Variants in NRXN1 observed in about 807,000 individuals in gnomAD.
NRXN1 encodes the protein neurexin 1.
A neutral mutation model predicts 150.9 loss-of-function variants in NRXN1; 39 were observed. The ratio of observed to expected loss-of-function variants is 0.26; its 90% CI spans 0.20 to 0.34. NRXN1 has a LOEUF of 0.34. Among genes scored for constraint, NRXN1 ranks in the 10% least tolerant of loss-of-function variants. The probability of loss-of-function intolerance (pLI) is 1.00; values close to 1 mark genes in which losing one functional copy is unlikely to be tolerated. For synonymous variants in NRXN1, 924 were observed against 757.0 expected, an observed-to-expected ratio of 1.22 and a Z score of -3.62; for missense variants, 1,815 against 1,949.9, an observed-to-expected ratio of 0.93 and a Z score of 1.30.
At chr2:50,426,560 G>A (rs531472800) in intron 17 of NRXN1, among the ~76,000 whole-genome samples, 3 of 152,152 alleles carry the variant, frequency 2.0e-5, no homozygotes, top group Admixed American at 2.0e-4. Flanking sequence ...TTTGAGAGTG[G>A]AGAGAAACTT....
chr2:50,541,743 GA>G (rs377526637), intron 9 of NRXN1, among the ~76,000 whole-genome samples: 65 of 108,338 alleles, frequency 6.0e-4, no homozygotes, highest in African/African-American at 2.1e-3. Flanking sequence ...ATGTTTAAAA[GA>G]AAAAAAAAAT....
intron 18 of NRXN1, among the ~76,000 whole-genome samples, chr2:50,201,062 C>A (rs1424463892): frequency 6.6e-6 from 1 of 152,036 alleles, no homozygotes; most frequent in Admixed American, 6.6e-5. Flanking sequence ...ATTTTAATAT[C>A]CTTTCAAGTA....
chr2:50,136,362 G>A (rs112997619), intron 18 of NRXN1, among the ~76,000 whole-genome samples: 9 of 152,144 alleles, frequency 5.9e-5, no homozygotes, highest in Non-Finnish European at 1.5e-5. Flanking sequence ...AAATCTTGAC[G>A]GTGATCTAAA....
At chr2:50,233,533 T>C (rs1286176824) in intron 18 of NRXN1, among the ~76,000 whole-genome samples, 1 of 152,080 alleles carries the variant, frequency 6.6e-6, no homozygotes, top group Non-Finnish European at 1.5e-5. Context: ...ATTTCAGCAA[T>C]GATGGAGCAT....
intron 19 of NRXN1, among the ~76,000 whole-genome samples, chr2:50,083,392 T>G (rs1336937114): frequency 4.6e-5 from 7 of 152,334 alleles, no homozygotes; most frequent in Middle Eastern, 3.4e-3. Context: ...TTGCTCTCTC[T>G]TTTAACAGAA....
chr2:50,153,201 C>T (rs2688893), intron 18 of NRXN1, among the ~76,000 whole-genome samples: 122,931 of 151,656 alleles, frequency 0.81, 50,322 homozygotes, highest in African/African-American at 0.93. Flanking sequence ...AGATTTTCTA[C>T]GTCTTTGTTG....
chr2:49,959,559 G>C (rs917158904), intron 21 of NRXN1, among the ~76,000 whole-genome samples: 3 of 152,192 alleles, frequency 2.0e-5, no homozygotes, highest in African/African-American at 7.2e-5. Context: ...CTGCTGCATG[G>C]GCATTGGAGT....
At chr2:50,559,153 T>C (rs997812802) in intron 8 of NRXN1, among the ~76,000 whole-genome samples, 8 of 152,328 alleles carry the variant, frequency 5.3e-5, no homozygotes, top group African/African-American at 1.7e-4. Context: ...TTAATTATCA[T>C]TTTCACCTAG....
chr2:50,051,827 T>C (rs1251044317), intron 21 of NRXN1, among the ~76,000 whole-genome samples: 1 of 152,128 alleles, frequency 6.6e-6, no homozygotes, highest in Non-Finnish European at 1.5e-5. Flanking sequence ...CTGGCACATG[T>C]AGACAGTGAT....
chr2:50,598,721 T>TATAC (rs1159587731), intron 8 of NRXN1, among the ~76,000 whole-genome samples: 23 of 147,184 alleles, frequency 1.6e-4, no homozygotes, highest in African/African-American at 4.9e-4. Context: ...TATATGTATA[T>TATAC]ATACACATAT....
intron 17 of NRXN1, among the ~76,000 whole-genome samples, chr2:50,238,394 T>C (rs1218055807): frequency 6.6e-6 from 1 of 152,040 alleles, no homozygotes; most frequent in African/African-American, 2.4e-5. Context: ...CCATAATCGA[T>C]ACCCCTAGCT....
chr2:50,253,873 CT>C (rs34891434), intron 17 of NRXN1, among the ~76,000 whole-genome samples: 64,724 of 150,650 alleles, frequency 0.43, 14,270 homozygotes, highest in Middle Eastern at 0.46. Context: ...CTGAAGTTTT[CT>C]TTTTTTTTGT....
intron 16 of NRXN1, 119 bp from the exon 17 acceptor site, chr2:50,465,680 T>G: frequency 1.8e-6 from 2 of 1,128,574 alleles, no homozygotes; most frequent in East Asian, 2.7e-5. Flanking sequence ...AAACTAGTTT[T>G]TAAAGTTCTA....
intron 18 of NRXN1, among the ~76,000 whole-genome samples, chr2:50,155,860 A>G (rs1309521633): frequency 6.6e-6 from 1 of 151,652 alleles, no homozygotes; most frequent in African/African-American, 2.4e-5. Context: ...ATGAGACAGT[A>G]CACACATTTC....
At chr2:49,945,294 TC>T (rs1175278642) in intron 21 of NRXN1, 1 of 152,152 alleles carries the variant, frequency 6.6e-6, no homozygotes, top group East Asian at 1.9e-4. Flanking sequence ...ACAAAGTTAT[TC>T]ATAATATTCT....
chr2:50,377,518 G>T (rs2080604184), intron 17 of NRXN1, among the ~76,000 whole-genome samples: 1 of 152,104 alleles, frequency 6.6e-6, no homozygotes, highest in African/African-American at 2.4e-5. Flanking sequence ...CATTTTGATT[G>T]ATTCCATGTC....
intron 5 of NRXN1, among the ~76,000 whole-genome samples, chr2:50,901,294 G>C (rs1297215236): frequency 1.3e-5 from 2 of 152,056 alleles, no homozygotes; most frequent in African/African-American, 4.8e-5. Flanking sequence ...CCAGCACTTT[G>C]GGAGGCTGAG....
chr2:50,813,190 C>A (rs527543055), intron 5 of NRXN1, among the ~76,000 whole-genome samples: 2 of 147,774 alleles, frequency 1.4e-5, no homozygotes, highest in Non-Finnish European at 1.5e-5. Flanking sequence ...AACACCTTGT[C>A]TCAAAAAAAA....
intron 17 of NRXN1, among the ~76,000 whole-genome samples, chr2:50,371,955 A>G (rs1410184740): frequency 6.6e-6 from 1 of 152,068 alleles, no homozygotes; most frequent in Non-Finnish European, 1.5e-5. Context: ...GCTTGAATTA[A>G]AAAGGTATTC....
Sources: allele counts gnomAD v4.1 joint callset (sites outside exome capture counted in the v4.1 genomes callset), GRCh38; gene constraint gnomAD v4.1.1; transcripts MANE v1.5; gene names NCBI Gene and HGNC (gene_info 2026-07-23, HGNC 2026-07-21).